The following RASGEF1C variants were observed in gnomAD, a reference collection of about 807,000 sequenced individuals.
RASGEF1C encodes the protein RasGEF domain family member 1C.
In RASGEF1C, 27 loss-of-function variants were observed where a neutral mutation model predicts 58.1. The observed-to-expected ratio is 0.46, with a 90% CI of 0.34 to 0.64. The LOEUF (loss-of-function observed/expected upper bound fraction) is 0.64, where lower values mean the gene tolerates loss of function less well. Ranked by LOEUF, RASGEF1C falls within the 30% of genes least tolerant of loss-of-function variation. RASGEF1C has a pLI of 0.01. For missense variants in RASGEF1C, 502 were observed against 605.1 expected (o/e 0.83, Z 1.79); for synonymous variants, 243 against 246.3 (o/e 0.99, Z 0.13).
At position 180,209,120 on chromosome 5, in the gene RASGEF1C, C is replaced by A. The variant is rs1264796449; in HGVS notation, c.-99G>T. On this transcript the variant is annotated 5_prime_UTR_variant, in exon 1 of 14. Transcript: ENST00000361132. ...CGGACCGGGGCGCCGCCCGCCGCCG[C>A]CGCCGCCGCCGCCGCCGCCGCCGCC... 2.5e-4 allele frequency: 1 copy of A among 4,076 alleles called. No homozygotes were observed. The highest frequency in any genetic ancestry group is 6.5e-4 in the Non-Finnish European group (1 of 1,550). The allele number at this position is 4,076 out of a possible 1,614,324, so 0.3% of individuals were successfully genotyped here. A position where few individuals can be genotyped will look rare whatever the true frequency, so the allele number is the denominator to read the frequency against.
At chr5:180,131,114 C>A (rs1199238657) in intron 4 of RASGEF1C, among the ~76,000 whole-genome samples, 4 of 152,168 alleles carry the variant, frequency 2.6e-5, no homozygotes, top group African/African-American at 9.7e-5. Flanking sequence ...CTTCTTAATG[C>A]CCCCAATGCA....
At chr5:180,133,834 C>A (rs574486537) in intron 4 of RASGEF1C, among the ~76,000 whole-genome samples, 4 of 152,152 alleles carry the variant, frequency 2.6e-5, no homozygotes, top group African/African-American at 7.2e-5. Context: ...TAAGAAACAG[C>A]GCTCCTATGC....
At chr5:180,180,425 G>A (rs574085198) in intron 1 of RASGEF1C, among the ~76,000 whole-genome samples, 51 of 152,324 alleles carry the variant, frequency 3.3e-4, no homozygotes, top group African/African-American at 1.1e-3. Flanking sequence ...CAAACTGGCC[G>A]GTGCACCATG....
At chr5:180,207,301 G>A (rs142444466) in intron 1 of RASGEF1C, among the ~76,000 whole-genome samples, 3 of 152,242 alleles carry the variant, frequency 2.0e-5, no homozygotes, top group Non-Finnish European at 4.4e-5. Context: ...CACTGCAGGA[G>A]AAAGGGAAAG....
In RASGEF1C at chr5:180,101,206, T is replaced by C; in HGVS notation, c.*295A>G. 1 of 483,828 alleles carries C rather than the reference T, an allele frequency of 2.1e-6. No homozygotes were observed. The highest frequency in any genetic ancestry group is 3.7e-6 in the Non-Finnish European group (1 of 268,218). The allele number at this position is 483,828 out of a possible 1,614,324, so 30.0% of individuals were successfully genotyped here. A position where few individuals can be genotyped will look rare whatever the true frequency, so the allele number is the denominator to read the frequency against. On this transcript the variant is annotated 3_prime_UTR_variant, in exon 14 of 14. Transcript: ENST00000361132. ...CACCCTCTGGGGCAGTGTTGTGTCCTTGCCGAGGATGGACAGACTGACCAG... is the reference window on the plus strand; with the variant it reads ...CACCCTCTGGGGCAGTGTTGTGTCCCTGCCGAGGATGGACAGACTGACCAG...
intron 1 of RASGEF1C, among the ~76,000 whole-genome samples, chr5:180,169,603 C>T (rs78644398): frequency 0.54 from 57,904 of 106,750 alleles, 13,326 homozygotes; most frequent in Non-Finnish European, 0.61. Context: ...GCAGTGGGGG[C>T]AGGGGGGCGG....
intron 1 of RASGEF1C, among the ~76,000 whole-genome samples, chr5:180,142,212 G>A (rs180690746): frequency 1.3e-5 from 2 of 152,164 alleles, no homozygotes; most frequent in African/African-American, 4.8e-5. Flanking sequence ...TTGGGACGTG[G>A]GGCTCGGTGT....
In RASGEF1C at chr5:180,156,495, C is replaced by T. The variant is rs1326025581; in HGVS notation, c.-6-18437G>A. 6.6e-6 allele frequency among the ~76,000 whole-genome samples: 1 copy of T among 152,190 alleles called. No individual in the cohort carries two copies. The highest frequency in any genetic ancestry group is 6.6e-5 in the Admixed American group (1 of 15,266). On this transcript the variant is annotated intron_variant, in intron 1 of 13. Coordinates refer to ENST00000361132, the MANE Select transcript of RASGEF1C (RefSeq NM_175062.4). The surrounding 1 kb of genome is among the most constrained non-coding windows in gnomAD (Gnocchi z 4.9). ...TATCGAAAATATATAAAGGGCCAGGCATGGTGGCTCACACCTGTAATCCTA... is the reference window on the plus strand; with the variant it reads ...TATCGAAAATATATAAAGGGCCAGGTATGGTGGCTCACACCTGTAATCCTA...
intron 11 of RASGEF1C, among the ~76,000 whole-genome samples, chr5:180,113,459 G>A (rs111163593): frequency 2.0e-5 from 1 of 50,750 alleles, no homozygotes; most frequent in African/African-American, 7.3e-5. Flanking sequence ...GGAGGGACCG[G>A]GGATGGACGG....
intron 1 of RASGEF1C, among the ~76,000 whole-genome samples, chr5:180,152,607 A>C (rs1211384155): frequency 1.3e-5 from 2 of 149,576 alleles, no homozygotes; most frequent in African/African-American, 5.0e-5. Context: ...AGATATACCT[A>C]ACGTTAAATG....
chr5:180,123,454 C>T (rs539521693), intron 6 of RASGEF1C, among the ~76,000 whole-genome samples: 21 of 152,226 alleles, frequency 1.4e-4, no homozygotes, highest in African/African-American at 4.8e-4. Flanking sequence ...TTCAAATGTT[C>T]AGAAACTTAA....
At position 180,143,471 on chromosome 5, in the gene RASGEF1C, A is replaced by G. The variant is rs898527788; in HGVS notation, c.-6-5413T>C. Among the ~76,000 whole-genome samples the G allele has an allele frequency of 2.6e-5, 4 of 152,206 alleles. No individual in the cohort carries two copies. The highest frequency in any genetic ancestry group is 5.9e-5 in the Non-Finnish European group (4 of 68,036). Reference sequence around the variant, plus strand: ...AAAGAGGTAATGGTCACCTGCCCCCAGCCAGTTGAAAACGTGCCCAAGGGC... The same window carrying G: ...AAAGAGGTAATGGTCACCTGCCCCCGGCCAGTTGAAAACGTGCCCAAGGGC... On this transcript the variant is annotated intron_variant, in intron 1 of 13. Transcript: ENST00000361132. This position sits in a 1 kb window ranked among gnomAD's most constrained non-coding sequence, Gnocchi z 4.3.
At position 180,137,606 on chromosome 5, in the gene RASGEF1C, T is replaced by C. The variant is rs1182204209; in HGVS notation, c.284A>G (p.Lys95Arg). Residue 95 changes from lysine to arginine, a missense_variant, in exon 3 of 14, where the codon AAG becomes AGG. By Grantham distance (26) the Lys-to-Arg change is conservative (BLOSUM62 2). Coordinates refer to ENST00000361132, the MANE Select transcript of RASGEF1C (RefSeq NM_175062.4). The surrounding 1 kb of genome is among the most constrained non-coding windows in gnomAD (Gnocchi z 4.1). The stretch of plus-strand genomic sequence containing the variant: ...CCGCCTCACCTTGTCCAGCACCGGC[T>C]TGTCCAGCTGCTGCTGCTCGATGCA... ...HLCIEQQQLD[K>R]PVLDKARVRK... The C allele has an allele frequency of 1.2e-6, 2 of 1,608,524 alleles. No homozygotes were observed. Among genetic ancestry groups the C allele is most frequent in the South Asian group, 2.2e-5 (2 of 90,724 alleles).
At chr5:180,183,421 A>T (rs888022029) in intron 1 of RASGEF1C, among the ~76,000 whole-genome samples, 1 of 152,172 alleles carries the variant, frequency 6.6e-6, no homozygotes, top group Non-Finnish European at 1.5e-5. Context: ...GCAAAGGGAT[A>T]TAGCTTAAAA....
chr5:180,129,980 G>A (rs1395842725), intron 4 of RASGEF1C, among the ~76,000 whole-genome samples: 2 of 152,214 alleles, frequency 1.3e-5, no homozygotes, highest in Non-Finnish European at 2.9e-5. Flanking sequence ...CCTGTACCCA[G>A]CCCATGATGT....
At chr5:180,134,404 C>T (rs2113273900) in intron 4 of RASGEF1C, among the ~76,000 whole-genome samples, 2 of 152,116 alleles carry the variant, frequency 1.3e-5, no homozygotes, top group South Asian at 2.1e-4. Context: ...GCCCCACCAC[C>T]AAGACATGGC....
At chr5:180,173,900 G>A (rs531182532) in intron 1 of RASGEF1C, among the ~76,000 whole-genome samples, 23 of 128,374 alleles carry the variant, frequency 1.8e-4, no homozygotes, top group Middle Eastern at 4.0e-3. Flanking sequence ...GCAACAGAGC[G>A]AGACTGTCTC....
chr5:180,152,794 C>T (rs1363997376), intron 1 of RASGEF1C, among the ~76,000 whole-genome samples: 1 of 151,504 alleles, frequency 6.6e-6, no homozygotes, highest in African/African-American at 2.4e-5. Context: ...GCCTGTAATC[C>T]CAGCTACTCA....
chr5:180,202,719 T>C (rs1756415302), intron 1 of RASGEF1C, among the ~76,000 whole-genome samples: 1 of 151,940 alleles, frequency 6.6e-6, no homozygotes, highest in Admixed American at 6.5e-5. Flanking sequence ...TTTTTTTTTT[T>C]TTTGAGACGG....
Sources: gnomAD v4.1 joint callset for allele counts (sites outside exome capture counted in the v4.1 genomes callset) on GRCh38, gnomAD v4.1.1 for gene constraint, Gnocchi (gnomAD v3.1) non-coding constraint, MANE v1.5 for transcripts, NCBI Gene and HGNC (gene_info 2026-07-23, HGNC 2026-07-21) for gene names.